CPA3: variants seen among roughly 807,000 people sequenced by gnomAD.
CPA3 encodes mast cell carboxypeptidase A.
CPA3 carries 52 observed loss-of-function variants against 55.8 expected under a neutral mutation model. The ratio of observed to expected loss-of-function variants is 0.93; its 90% CI spans 0.75 to 1.17. The LOEUF is 1.17. CPA3 is among the 50% of genes most tolerant of loss of function. The pLI is 0.00. For synonymous variants in CPA3, 179 were observed against 171.2 expected (o/e 1.05, Z -0.36); for missense variants, 547 against 509.1 (o/e 1.07, Z -0.72).
rs1714325212 is a variant in CPA3, at chr3:148,880,311, G to A, written c.576+422G>A. On this transcript the variant is annotated intron_variant, in intron 6 of 10. Transcript: ENST00000296046. ...ATTTTAATATTTAAGTTTCCTTTCT[G>A]AGTGAAAAATAACTCACTTTTTTCT... 2.0e-5 allele frequency among the ~76,000 whole-genome samples: 3 copies of A among 150,354 alleles called. No individual in the cohort carries two copies. In the South Asian group the frequency reaches 6.3e-4, roughly 32 times the overall value.
At chr3:148,871,428 G>GTTTT (rs1714064250) in intron 3 of CPA3, among the ~76,000 whole-genome samples, 1 of 152,208 alleles carries the variant, frequency 6.6e-6, no homozygotes, top group South Asian at 2.1e-4. Context: ...TGTAGAAAAT[G>GTTTT]TATCTAGAAA....
chr3:148,886,888 T>G (rs1714547682), intron 10 of CPA3, among the ~76,000 whole-genome samples: 2 of 152,182 alleles, frequency 1.3e-5, no homozygotes, highest in South Asian at 2.1e-4. Flanking sequence ...ACAAGTTATC[T>G]CTCCTTCTCA....
intron 3 of CPA3, among the ~76,000 whole-genome samples, chr3:148,870,947 G>C (rs767260435): frequency 6.6e-5 from 10 of 152,188 alleles, no homozygotes; most frequent in Non-Finnish European, 1.5e-4. Flanking sequence ...CACCCAGACT[G>C]GAGTGCAGTG....
At chr3:148,886,612 T>G (rs771327577) in intron 10 of CPA3, among the ~76,000 whole-genome samples, 1 of 152,088 alleles carries the variant, frequency 6.6e-6, no homozygotes, top group South Asian at 2.1e-4. Flanking sequence ...GGAAGATCAT[T>G]TGGGCCTGGG....
In CPA3 at chr3:148,896,859, C is replaced by T. The variant is rs1000150732; in HGVS notation, c.*152C>T. ...CCCATGTTACTGCTGTTTGCTTTTA[C>T]TTACTTTCAGTAGCACCATAACGAA... On this transcript the variant is annotated 3_prime_UTR_variant, in exon 11 of 11. Transcript: ENST00000296046. 6.8e-6 allele frequency: 4 copies of T among 590,966 alleles called. No homozygotes were observed. Among genetic ancestry groups the T allele is most frequent in the African/African-American group, 3.7e-5 (2 of 54,060 alleles). The allele number at this position is 590,966 out of a possible 1,614,324, so 36.6% of individuals were successfully genotyped here.
intron 3 of CPA3, among the ~76,000 whole-genome samples, chr3:148,874,433 A>T (rs1168782738): frequency 6.6e-6 from 1 of 152,134 alleles, no homozygotes; most frequent in Non-Finnish European, 1.5e-5. Flanking sequence ...GCAATTAGTT[A>T]TGTCTGTAAT....
chr3:148,880,039 T>C (rs1714320721), intron 6 of CPA3, 150 bp downstream of exon 6: 1 of 535,016 alleles, frequency 1.9e-6, no homozygotes, highest in Non-Finnish European at 3.4e-6. Context: ...TGAATTTTAC[T>C]CATCATTACA....
In CPA3 at chr3:148,881,575, GA is replaced by G. The variant is rs1714368859; in HGVS notation, c.632del (p.Asn211IlefsTer84). ...KIMTKLLDRM[N>X]FYILPVFNVD... ...TTATGACCAAACTCTTGGACCGAAT[GA>G]ATTTTTACATTCTTCCTGTGTTCAA... On this transcript the variant is annotated frameshift_variant, in exon 7 of 11. Coordinates refer to ENST00000296046, the MANE Select transcript of CPA3 (RefSeq NM_001870.4). LOFTEE classifies it high-confidence loss of function. 1.2e-6 allele frequency: 2 copies of G among 1,612,926 alleles called. No homozygotes were observed. Among genetic ancestry groups the G allele is most frequent in the Non-Finnish European group, 8.5e-7 (1 of 1,179,412 alleles).
At position 148,869,008 on chromosome 3, in the gene CPA3, T is replaced by C. The variant is rs750227213; in HGVS notation, c.238T>C (p.Ser80Pro). 9 of 1,614,080 alleles carry C rather than the reference T, an allele frequency of 5.6e-6. No homozygotes were observed. In the South Asian group the frequency reaches 7.7e-5, roughly 14 times the overall value. The change falls in exon 3 of 11, where the codon TCT becomes CCT. Residue 80 changes from serine (S) to proline (P), a missense_variant. By Grantham distance (74) the Ser-to-Pro change is moderately conservative (BLOSUM62 -1). Transcript: ENST00000296046. ...TGAGAAGGAATCCCAAGCCATCCAG[T>C]CTGCCTTGGATCAAAATAAAATGCA... Reference protein sequence around the residue: ...VSEKESQAIQSALDQNKMHYE... With the variant: ...VSEKESQAIQPALDQNKMHYE...
intron 10 of CPA3, among the ~76,000 whole-genome samples, chr3:148,887,451 G>A (rs1340515056): frequency 2.0e-5 from 3 of 152,106 alleles, no homozygotes; most frequent in South Asian, 2.1e-4. Flanking sequence ...ATTAGTAACC[G>A]GCGAAGCTGG....
rs930616853 is a variant in CPA3 at position 148,880,481 on chromosome 3, G to A, written c.576+592G>A. Among the ~76,000 whole-genome samples, 7 of 151,864 alleles carry A rather than the reference G, an allele frequency of 4.6e-5. No individual in the cohort carries two copies. The East Asian group carries it at 9.7e-4, about 21-fold the overall frequency. On this transcript the variant is annotated intron_variant, in intron 6 of 10. Coordinates refer to ENST00000296046, the MANE Select transcript of CPA3 (RefSeq NM_001870.4). Reference sequence around the variant, plus strand: ...AAAGTAGCTGGAACTACAGGCATGCGCCACCATGCCTGGCTAATTTTTGTA... The same window carrying A: ...AAAGTAGCTGGAACTACAGGCATGCACCACCATGCCTGGCTAATTTTTGTA...
At position 148,882,003 on chromosome 3, in the gene CPA3, CA is replaced by C. The variant is rs546190676; in HGVS notation, c.687+379del. Among the ~76,000 whole-genome samples the C allele has an allele frequency of 2.0e-3, 306 of 151,420 alleles. 3 individuals carry two copies. The highest frequency in any genetic ancestry group is 5.6e-3 in the African/African-American group (230 of 41,338). ...AGAATTTGAGGTAGAATCATTGTAT[CA>C]AAAAAAATAAAAGAGAGGTACAGAT... is the stretch of plus-strand genomic sequence containing the variant. On this transcript the variant is annotated intron_variant, in intron 7 of 10. Coordinates refer to ENST00000296046, the MANE Select transcript of CPA3 (RefSeq NM_001870.4).
chr3:148,882,620 GAAA>G lies in CPA3; in HGVS notation c.778+27_778+29del. On this transcript the variant is annotated intron_variant, in intron 8 of 10. Transcript: ENST00000296046. ...TGTGAGTAGCAGACTTGCTATCAAG[GAAA>G]ATTGCTATAAGGAATATTTAGGTCC... 2.5e-6 allele frequency: 4 copies of G among 1,586,406 alleles called. No homozygotes were observed. The East Asian group carries it at 9.0e-5, about 36-fold the overall frequency.
At position 148,884,868 on chromosome 3, in the gene CPA3, C is replaced by CAA. The variant is rs34016348; in HGVS notation, c.981+1063_981+1064dup. On this transcript the variant is annotated intron_variant, in intron 9 of 10. Transcript: ENST00000296046. ...ATGGGTTAAAAAAAATACATATCCACAAAAAAAAAAACCACTTTGAGTAAA... is the reference window on the plus strand; with the variant it reads ...ATGGGTTAAAAAAAATACATATCCACAAAAAAAAAAAAACCACTTTGAGTAAA... Among the ~76,000 whole-genome samples, 276 of 143,224 alleles carry CAA rather than the reference C, an allele frequency of 1.9e-3. 2 individuals are homozygous for CAA. The East Asian group carries it at 0.03, about 15-fold the overall frequency. 94.0% of individuals were successfully genotyped at this position (143,224 alleles called of 152,430 possible). A position where few individuals can be genotyped will look rare whatever the true frequency, so the allele number is the denominator to read the frequency against.
At chr3:148,885,973 G>C (rs1714517102) in intron 9 of CPA3, 120 bp from the exon 10 acceptor site, 1 of 699,994 alleles carries the variant, frequency 1.4e-6, no homozygotes, top group South Asian at 1.7e-5. Context: ...AAGATCAAGG[G>C]ATAAGCACAG....
At chr3:148,866,481 T>G (rs994061076) in intron 2 of CPA3, among the ~76,000 whole-genome samples, 2 of 152,220 alleles carry the variant, frequency 1.3e-5, no homozygotes, top group Admixed American at 6.5e-5. Context: ...ACTCTAAAAC[T>G]TGACAATTGC....
chr3:148,874,674 C>A (rs938325190), intron 3 of CPA3, among the ~76,000 whole-genome samples: 1 of 152,134 alleles, frequency 6.6e-6, no homozygotes. Context: ...GTCCCATGTG[C>A]TAAATAAACT....
chr3:148,872,362 T>C (rs1714087555), intron 3 of CPA3, among the ~76,000 whole-genome samples: 2 of 152,352 alleles, frequency 1.3e-5, no homozygotes, highest in South Asian at 4.1e-4. Flanking sequence ...AGTCAATTTT[T>C]AACATTGTCT....
At chr3:148,886,027 A>C (rs1714517838) in intron 9 of CPA3, 66 bp from the exon 10 acceptor site, 3 of 1,118,428 alleles carry the variant, frequency 2.7e-6, no homozygotes, top group Non-Finnish European at 2.7e-6. Flanking sequence ...ATACATACAT[A>C]ATTACATATT....
Sources: gnomAD v4.1 joint callset for allele counts (sites outside exome capture counted in the v4.1 genomes callset) on GRCh38, gnomAD v4.1.1 for gene constraint, MANE v1.5 for transcripts, NCBI Gene and HGNC (gene_info 2026-07-23, HGNC 2026-07-21) for gene names.